Variants in MEGF9 observed in about 807,000 individuals in gnomAD.
MEGF9 encodes multiple epidermal growth factor-like domains protein 9.
MEGF9 carries 6 observed loss-of-function variants against 46.8 expected under a neutral mutation model. The ratio of observed to expected loss-of-function variants is 0.13; its 90% CI spans 0.07 to 0.25. The LOEUF (loss-of-function observed/expected upper bound fraction) is 0.25. Among genes scored for constraint, MEGF9 ranks in the 10% least tolerant of loss-of-function variants. The pLI is 1.00. For synonymous variants in MEGF9, 302 were observed against 330.7 expected, an observed-to-expected ratio of 0.91 and a Z score of 0.94; for missense variants, 683 against 792.4, an observed-to-expected ratio of 0.86 and a Z score of 1.66.
chr9:120,684,791 G>A (rs1405363210), intron 1 of MEGF9, among the ~76,000 whole-genome samples: 1 of 151,768 alleles, frequency 6.6e-6, no homozygotes, highest in African/African-American at 2.4e-5. Context: ...GAAAACTGAT[G>A]TTGAGAAGTC....
chr9:120,642,849 G>A (rs546245534), intron 2 of MEGF9, among the ~76,000 whole-genome samples: 1 of 152,296 alleles, frequency 6.6e-6, no homozygotes, highest in Non-Finnish European at 1.5e-5. Context: ...TTGCATTACT[G>A]CTTTTGGCAA....
chr9:120,622,144 G>A (rs1324091559), intron 3 of MEGF9, among the ~76,000 whole-genome samples: 2 of 152,070 alleles, frequency 1.3e-5, no homozygotes, highest in Non-Finnish European at 2.9e-5. Flanking sequence ...TTGCATAGTC[G>A]GCTAATATCC....
At chr9:120,678,024 C>A (rs923748047) in intron 1 of MEGF9, among the ~76,000 whole-genome samples, 2 of 152,150 alleles carry the variant, frequency 1.3e-5, no homozygotes, top group African/African-American at 4.8e-5. Context: ...TAAGTGAGAA[C>A]ATGCAATATT....
chr9:120,665,875 T>C (rs1028919909), intron 1 of MEGF9, among the ~76,000 whole-genome samples: 1 of 152,244 alleles, frequency 6.6e-6, no homozygotes, highest in Non-Finnish European at 1.5e-5. Context: ...ATGTGTGTTC[T>C]GGGCACCTTT....
At chr9:120,697,529 A>G (rs1259835405) in intron 1 of MEGF9, among the ~76,000 whole-genome samples, 1 of 152,090 alleles carries the variant, frequency 6.6e-6, no homozygotes, top group African/African-American at 2.4e-5. Flanking sequence ...AATCAATACT[A>G]CCATTTCACA....
chr9:120,678,738 T>C (rs2043784765), intron 1 of MEGF9, among the ~76,000 whole-genome samples: 1 of 152,226 alleles, frequency 6.6e-6, no homozygotes, highest in Non-Finnish European at 1.5e-5. Context: ...CCTCCCAAAG[T>C]GCTGGGATTA....
rs767834403 is a variant in MEGF9, at chr9:120,612,501, G to T, written c.982C>A (p.His328Asn). 1 of 1,611,842 alleles carries T rather than the reference G, an allele frequency of 6.2e-7. No homozygotes were observed. Among genetic ancestry groups the T allele is most frequent in the Admixed American group, 1.7e-5 (1 of 59,844 alleles). ...LNCQENSKGNHCEECKEGFYQ... is the reference protein window; with the variant it reads ...LNCQENSKGNNCEECKEGFYQ... ...AATCCTTCTTTACATTCTTCACAGT[G>T]ATTTCCTTTGCTATTTTCCTGGCAG... The change falls in exon 4 of 6, where the codon CAC becomes AAC. Residue 328 changes from histidine to asparagine, a missense_variant. By Grantham distance (68) the His-to-Asn change is moderately conservative. Coordinates refer to ENST00000373930, the MANE Select transcript of MEGF9 (RefSeq NM_001080497.3).
intron 2 of MEGF9, among the ~76,000 whole-genome samples, chr9:120,634,444 A>G (rs1399770938): frequency 1.6e-5 from 1 of 60,846 alleles, no homozygotes; most frequent in African/African-American, 6.2e-5. Context: ...TGTGTGGAAT[A>G]TCTTTTTTTT....
At chr9:120,677,366 C>T (rs2132331094) in intron 1 of MEGF9, among the ~76,000 whole-genome samples, 1 of 152,200 alleles carries the variant, frequency 6.6e-6, no homozygotes, top group East Asian at 1.9e-4. Flanking sequence ...AACTCGTGCT[C>T]AAGCAATCCG....
chr9:120,628,802 G>A (rs2043538406), intron 2 of MEGF9, among the ~76,000 whole-genome samples: 1 of 152,106 alleles, frequency 6.6e-6, no homozygotes, highest in Admixed American at 6.5e-5. Flanking sequence ...AAGGCAGTTT[G>A]CTATGCAAAT....
chr9:120,676,660 A>G (rs1448181634), intron 1 of MEGF9, among the ~76,000 whole-genome samples: 1 of 152,228 alleles, frequency 6.6e-6, no homozygotes, highest in East Asian at 1.9e-4. Flanking sequence ...AACAACAGAT[A>G]TAATTCTGGG....
intron 1 of MEGF9, among the ~76,000 whole-genome samples, chr9:120,668,638 A>C (rs1450883212): frequency 6.6e-6 from 1 of 152,234 alleles, no homozygotes. Context: ...CAAGATGACA[A>C]GTTCTGGAAA....
At chr9:120,703,972 CA>C (rs113871737) in intron 1 of MEGF9, among the ~76,000 whole-genome samples, 238 of 130,876 alleles carry the variant, frequency 1.8e-3, no homozygotes, top group Non-Finnish European at 1.6e-3. Flanking sequence ...GACTCTATCT[CA>C]AAAAAAAAAA....
At chr9:120,693,026 C>T (rs1043448114) in intron 1 of MEGF9, among the ~76,000 whole-genome samples, 2 of 152,032 alleles carry the variant, frequency 1.3e-5, no homozygotes, top group African/African-American at 4.8e-5. Context: ...ATTTGTCTTT[C>T]CAGTATCTAT....
At chr9:120,673,733 C>G (rs1041623701) in intron 1 of MEGF9, among the ~76,000 whole-genome samples, 6 of 151,462 alleles carry the variant, frequency 4.0e-5, no homozygotes, top group African/African-American at 1.5e-4. Context: ...TTTGGGAGGC[C>G]GAGGTGGGTG....
intron 2 of MEGF9, among the ~76,000 whole-genome samples, chr9:120,633,835 C>G (rs2043560844): frequency 6.6e-6 from 1 of 152,084 alleles, no homozygotes; most frequent in African/African-American, 2.4e-5. Context: ...AAAATTTCCT[C>G]ATTGATCCAG....
intron 2 of MEGF9, 141 bp downstream of exon 2, chr9:120,659,233 G>C: frequency 1.8e-6 from 1 of 541,596 alleles, no homozygotes. Flanking sequence ...TAAAGTAAGA[G>C]AATAAAAGTA....
At chr9:120,621,822 G>A (rs2043500512) in intron 3 of MEGF9, among the ~76,000 whole-genome samples, 1 of 152,132 alleles carries the variant, frequency 6.6e-6, no homozygotes, top group Admixed American at 6.5e-5. Context: ...CAATCAGAAG[G>A]TGAGGCGGCT....
Position 120,604,482 on chromosome 9 carries a change from G to C in MEGF9, c.*708C>G, listed in dbSNP as rs1403442259. The stretch of plus-strand genomic sequence containing the variant: ...ACTATGTACACCTTATTTCTCTAGA[G>C]GCAGGAATATTCCTTATTTTTAGAC... On this transcript the variant is annotated 3_prime_UTR_variant, in exon 6 of 6. Coordinates refer to ENST00000373930, the MANE Select transcript of MEGF9 (RefSeq NM_001080497.3). The C allele has an allele frequency of 3.9e-5, 6 of 152,682 alleles. No individual in the cohort carries two copies. In the South Asian group the frequency reaches 1.2e-3, roughly 32 times the overall value. The allele number at this position is 152,682 out of a possible 1,614,324, so 9.5% of individuals were successfully genotyped here.
Sources: allele counts gnomAD v4.1 joint callset (sites outside exome capture counted in the v4.1 genomes callset), GRCh38; gene constraint gnomAD v4.1.1; transcripts MANE v1.5; gene names NCBI Gene and HGNC (gene_info 2026-07-23, HGNC 2026-07-21).